Variants in PKP4 observed in about 807,000 individuals in gnomAD.
PKP4 encodes the protein plakophilin-4.
Under a neutral mutation model 145.1 loss-of-function variants are expected in PKP4, and 90 were observed. The observed-to-expected ratio is 0.62, with a 90% CI of 0.52 to 0.74. PKP4 has a LOEUF of 0.74. PKP4 is among the 30% of genes least tolerant of loss of function. The pLI is 0.00. For synonymous variants in PKP4, 563 were observed against 577.2 expected (o/e 0.98, Z 0.35); for missense variants, 1,340 against 1,482.7 (o/e 0.90, Z 1.58).
At chr2:158,632,619 C>G (rs550094057) in intron 8 of PKP4, 1 of 152,064 alleles carries the variant, frequency 6.6e-6, no homozygotes, top group South Asian at 2.1e-4. Context: ...CTCATGGAGT[C>G]TCAAGACTAC....
In PKP4 at chr2:158,666,482, A is replaced by G; in HGVS notation, c.2647A>G (p.Met883Val). The G allele has an allele frequency of 1.2e-6, 2 of 1,613,524 alleles. No homozygotes were observed. The change falls in exon 16 of 22, where the codon ATG becomes GTG. Residue 883 changes from methionine to valine, a missense_variant. By Grantham distance (21) the Met-to-Val change is conservative. Transcript: ENST00000389759. ...GLPILVELLRMDNDRVVSSVA... is the reference protein window; with the variant it reads ...GLPILVELLRVDNDRVVSSVA... ...CCCCATCCTTGTGGAGCTTCTGAGA[A>G]TGGATAACGATAGAGTTGTTTCTTC...
At chr2:158,589,163 A>C (rs1166587727) in intron 3 of PKP4, among the ~76,000 whole-genome samples, 1 of 152,088 alleles carries the variant, frequency 6.6e-6, no homozygotes, top group Non-Finnish European at 1.5e-5. Context: ...GCAGTTGAAC[A>C]CCTATTATGT....
intron 11 of PKP4, among the ~76,000 whole-genome samples, chr2:158,657,214 T>C (rs183808486): frequency 3.9e-5 from 6 of 152,322 alleles, no homozygotes; most frequent in Admixed American, 3.3e-4. Flanking sequence ...GATGCACTGA[T>C]GTGAAAATGA....
chr2:158,655,155 G>A (rs989608649), intron 11 of PKP4, among the ~76,000 whole-genome samples: 4 of 152,158 alleles, frequency 2.6e-5, no homozygotes, highest in African/African-American at 9.7e-5. Context: ...ACAGTAAATG[G>A]TGATGCTACC....
intron 3 of PKP4, among the ~76,000 whole-genome samples, chr2:158,581,506 CATT>C (rs1347741923): frequency 6.6e-6 from 1 of 152,180 alleles, no homozygotes; most frequent in Admixed American, 6.5e-5. Flanking sequence ...AAGTTTTTGT[CATT>C]ATTGGCCTCA....
chr2:158,543,478 A>G (rs1295668648), intron 2 of PKP4, among the ~76,000 whole-genome samples: 1 of 152,222 alleles, frequency 6.6e-6, no homozygotes, highest in African/African-American at 2.4e-5. Context: ...ACTGCAAGAT[A>G]GGTCCAGAGG....
intron 1 of PKP4, among the ~76,000 whole-genome samples, chr2:158,465,121 T>C (rs1020397294): frequency 1.3e-5 from 2 of 152,216 alleles, no homozygotes; most frequent in Admixed American, 6.5e-5. Flanking sequence ...CATTTTTCAG[T>C]CTGGTTGGGA....
chr2:158,552,280 G>A (rs1574443016), intron 2 of PKP4, among the ~76,000 whole-genome samples: 1 of 152,104 alleles, frequency 6.6e-6, no homozygotes, highest in African/African-American at 2.4e-5. Context: ...CCTTGATTTC[G>A]GCCCAGTGAA....
intron 1 of PKP4, among the ~76,000 whole-genome samples, chr2:158,529,566 T>C (rs1323188462): frequency 2.0e-5 from 3 of 152,222 alleles, no homozygotes; most frequent in Admixed American, 2.0e-4. Context: ...GAAGTAGTTA[T>C]GTCCCAAGGA....
chr2:158,650,180 C>G (rs771192375), intron 11 of PKP4, among the ~76,000 whole-genome samples: 17 of 152,224 alleles, frequency 1.1e-4, no homozygotes, highest in Non-Finnish European at 2.2e-4. Context: ...TTTCATGTGA[C>G]CTGTTCCCTT....
rs938150867 is a variant in PKP4, at chr2:158,621,093, A to G, written c.384A>G (p.Pro128=). The change falls in exon 5 of 22, where the codon CCA becomes CCG. Residue 128 remains proline (P), a synonymous_variant. Transcript: ENST00000389759. The stretch of plus-strand genomic sequence containing the variant: ...CAGAACAAGGAACCCTCTATTCACC[A>G]GAACAGACATCTCTCCATGAAAGTG... ...TEPEQGTLYS[P]EQTSLHESEG... 5 of 1,614,070 alleles carry G rather than the reference A, an allele frequency of 3.1e-6. No homozygotes were observed. In the African/African-American group the frequency reaches 4.0e-5, roughly 13 times the overall value.
chr2:158,552,833 T>C (rs1043291749), intron 2 of PKP4, among the ~76,000 whole-genome samples: 4 of 152,194 alleles, frequency 2.6e-5, no homozygotes, highest in Non-Finnish European at 5.9e-5. Flanking sequence ...GTACATGCCT[T>C]AATTTAAAAC....
At chr2:158,605,006 G>A (rs530151095) in intron 4 of PKP4, among the ~76,000 whole-genome samples, 7 of 152,208 alleles carry the variant, frequency 4.6e-5, no homozygotes, top group South Asian at 2.1e-4. Context: ...TGACCAAGGC[G>A]GACAGAGGGA....
intron 4 of PKP4, among the ~76,000 whole-genome samples, chr2:158,615,153 T>C (rs569157023): frequency 1.2e-3 from 178 of 152,264 alleles, no homozygotes; most frequent in African/African-American, 4.1e-3. Context: ...AGGAATCTTA[T>C]TTTGTATCTC....
In PKP4 at chr2:158,640,746, A is replaced by G; in HGVS notation, c.1682A>G (p.Lys561Arg). 6.2e-7 allele frequency: 1 copy of G among 1,614,148 alleles called. No homozygotes were observed. Among genetic ancestry groups the G allele is most frequent in the South Asian group, 1.1e-5 (1 of 91,082 alleles). The part of the protein sequence containing the change: ...YLQHLCFGDN[K>R]VKMEVCRLGG... ...CAGCACCTGTGCTTTGGTGACAACA[A>G]AGTGAAGATGGAGGTACAGGACATG... The change falls in exon 10 of 22, where the codon AAA becomes AGA. Residue 561 changes from lysine (K) to arginine (R), a missense_variant. Physicochemically the swap from Lys to Arg is conservative, Grantham distance 26 (BLOSUM62 2). Coordinates refer to ENST00000389759, the MANE Select transcript of PKP4 (RefSeq NM_003628.6).
At chr2:158,667,166 G>C (rs753684106) in intron 16 of PKP4, among the ~76,000 whole-genome samples, 17 of 152,156 alleles carry the variant, frequency 1.1e-4, no homozygotes, top group South Asian at 2.1e-4. Context: ...GAGGACCTCT[G>C]TACGCTCCGC....
chr2:158,603,887 A>G (rs1362162000), intron 4 of PKP4, among the ~76,000 whole-genome samples: 2 of 152,216 alleles, frequency 1.3e-5, no homozygotes, highest in Non-Finnish European at 2.9e-5. Flanking sequence ...GAAGACTTAG[A>G]TAACCAAATG....
At chr2:158,627,976 ATTTTTATTTTTTTATTTTTTT>A (rs2052974804) in intron 7 of PKP4, among the ~76,000 whole-genome samples, 1 of 151,188 alleles carries the variant, frequency 6.6e-6, no homozygotes, top group Non-Finnish European at 1.5e-5. Context: ...ATTTTTATTT[ATTTTTATTTTTTTATTTTTTT>A]TTGAGACGGA....
At chr2:158,574,556 C>G (rs2105775957) in intron 2 of PKP4, among the ~76,000 whole-genome samples, 1 of 152,326 alleles carries the variant, frequency 6.6e-6, no homozygotes, top group East Asian at 1.9e-4. Context: ...CCCACTCATA[C>G]ATCTTGGTGC....
Sources: gnomAD v4.1 joint callset for allele counts (sites outside exome capture counted in the v4.1 genomes callset) on GRCh38, gnomAD v4.1.1 for gene constraint, MANE v1.5 for transcripts, NCBI Gene and HGNC (gene_info 2026-07-23, HGNC 2026-07-21) for gene names.